PEX1: variants seen among roughly 807,000 people sequenced by gnomAD.
PEX1 encodes peroxisomal biogenesis factor 1, also known as peroxisomal ATPase PEX1.
Under a neutral mutation model 152.5 loss-of-function variants are expected in PEX1, and 97 were observed. The observed-to-expected ratio is 0.64, with a 90% CI of 0.54 to 0.75. The LOEUF is 0.75. Among genes scored for constraint, PEX1 ranks in the 30% least tolerant of loss-of-function variants. The probability of loss-of-function intolerance (pLI) is 0.00; values close to 1 mark genes in which losing one functional copy is unlikely to be tolerated. For synonymous variants in PEX1, 485 were observed against 531.6 expected, an observed-to-expected ratio of 0.91 and a Z score of 1.21; for missense variants, 1,357 against 1,516.3, an observed-to-expected ratio of 0.89 and a Z score of 1.74.
At position 92,491,397 on chromosome 7, in the gene PEX1, C is replaced by G. The variant is rs759180156; in HGVS notation, c.3313G>C (p.Asp1105His). 1 of 1,613,646 alleles carries G rather than the reference C, an allele frequency of 6.2e-7. No individual in the cohort carries two copies. Among genetic ancestry groups the G allele is most frequent in the African/African-American group, 1.3e-5 (1 of 75,024 alleles). Residue 1105 changes from aspartate (D) to histidine (H), a missense_variant, in exon 21 of 24, where the codon GAT becomes CAT. Physicochemically the swap from Asp to His is moderately conservative, Grantham distance 81 (BLOSUM62 -1). Transcript: ENST00000248633. ...ATCTCTAAAGAAACAAGGGACTGAT[C>G]TAAGCCACATTCTCCATCTCCAGCT... is the stretch of plus-strand genomic sequence containing the variant. The part of the protein sequence containing the change: ...DSAGDGECGL[D>H]QSLVSLEMSE...
At chr7:92,494,767 T>G (rs761679108) in intron 17 of PEX1, 138 bp from the exon 18 acceptor site, 48 of 406,748 alleles carry the variant, frequency 1.2e-4, no homozygotes, top group Non-Finnish European at 1.6e-4. Context: ...CAACAAACCC[T>G]TAAAGAAGGC....
intron 23 of PEX1, among the ~76,000 whole-genome samples, chr7:92,488,596 T>C (rs1791070202): frequency 6.6e-6 from 1 of 152,220 alleles, no homozygotes; most frequent in Non-Finnish European, 1.5e-5. Flanking sequence ...TTAAATGTTC[T>C]TGAGGTCAAT....
rs778565066 is a variant in PEX1, at chr7:92,489,282, C to T, written c.3767+11G>A. On this transcript the variant is annotated intron_variant, in intron 23 of 23. Transcript: ENST00000248633. ...AGTAGCTGTACTTCCAAAACAGAAT[C>T]TGTTACTTACAGCTCAGCAAAATTC... The T allele has an allele frequency of 2.0e-5, 33 of 1,611,272 alleles. No homozygotes were observed. Among genetic ancestry groups the T allele is most frequent in the Non-Finnish European group, 4.2e-6 (5 of 1,177,814 alleles).
chr7:92,504,256 T>C (rs1792071888), intron 12 of PEX1, among the ~76,000 whole-genome samples: 1 of 152,022 alleles, frequency 6.6e-6, no homozygotes, highest in Non-Finnish European at 1.5e-5. Context: ...TGAATTTCCA[T>C]TTATTGACCT....
chr7:92,501,631 C>T lies in PEX1; in HGVS notation c.2459G>A (p.Gly820Glu). 1 of 1,614,014 alleles carries T rather than the reference C, an allele frequency of 6.2e-7. No homozygotes were observed. The highest frequency in any genetic ancestry group is 1.1e-5 in the South Asian group (1 of 91,072). ...TTLDFQKALR[G>E]FLPASLRSVN... ...ACTTCGCAAAGACGCAGGAAGAAATCCGCGGAGAGCCTTTTGGAAGTCCAA... is the reference window on the plus strand; with the variant it reads ...ACTTCGCAAAGACGCAGGAAGAAATTCGCGGAGAGCCTTTTGGAAGTCCAA... Residue 820 changes from glycine to glutamate, a missense_variant, in exon 15 of 24, where the codon GGA (glycine) becomes GAA (glutamate). Transcript: ENST00000248633.
At chr7:92,507,359 C>T in intron 9 of PEX1, 1 of 432,474 alleles carries the variant, frequency 2.3e-6, no homozygotes, top group Non-Finnish European at 4.2e-6. Flanking sequence ...CTGCCTCAGC[C>T]TCCCGAGTAG....
chr7:92,492,849 T>G (rs1791414062), intron 20 of PEX1, 104 bp downstream of exon 20: 6 of 880,322 alleles, frequency 6.8e-6, no homozygotes, highest in Non-Finnish European at 1.2e-5. Context: ...TATACAGTTT[T>G]ACCAAAGTTG....
chr7:92,489,282 CT>C lies in PEX1; in HGVS notation c.3767+10del, dbSNP rs1791132674. Reference sequence around the variant, plus strand: ...AGTAGCTGTACTTCCAAAACAGAATCTGTTACTTACAGCTCAGCAAAATTCT... The same window carrying C: ...AGTAGCTGTACTTCCAAAACAGAATCGTTACTTACAGCTCAGCAAAATTCT... On this transcript the variant is annotated intron_variant, in intron 23 of 23. Coordinates refer to ENST00000248633, the MANE Select transcript of PEX1 (RefSeq NM_000466.3). 1 of 1,611,272 alleles carries C rather than the reference CT, an allele frequency of 6.2e-7. No individual in the cohort carries two copies. The highest frequency in any genetic ancestry group is 8.5e-7 in the Non-Finnish European group (1 of 1,177,814).
chr7:92,511,482 A>G (rs545055200), intron 7 of PEX1, 98 bp downstream of exon 7: 9 of 917,648 alleles, frequency 9.8e-6, no homozygotes, highest in African/African-American at 1.7e-5. Context: ...ATATTTCACT[A>G]TTCACATACT....
chr7:92,525,568 C>A (rs369000676), intron 1 of PEX1, among the ~76,000 whole-genome samples: 1 of 152,148 alleles, frequency 6.6e-6, no homozygotes, highest in Non-Finnish European at 1.5e-5. Flanking sequence ...TGTCTGAAGA[C>A]CTTTTTGGTT....
chr7:92,522,534 T>C lies in PEX1; in HGVS notation c.130-289A>G, dbSNP rs113238566. Among the ~76,000 whole-genome samples, 312 of 152,304 alleles carry C rather than the reference T, an allele frequency of 2.0e-3. 1 individual carries two copies. Among genetic ancestry groups the C allele is most frequent in the African/African-American group, 7.2e-3 (301 of 41,560 alleles). On this transcript the variant is annotated intron_variant, in intron 1 of 23. Coordinates refer to ENST00000248633, the MANE Select transcript of PEX1 (RefSeq NM_000466.3). ...GTCAGTCAATAAACTTAAATAGCAGTTGAGCCACATATAACTATTTGAGCA... is the reference window on the plus strand; with the variant it reads ...GTCAGTCAATAAACTTAAATAGCAGCTGAGCCACATATAACTATTTGAGCA...
At position 92,505,421 on chromosome 7, in the gene PEX1, AAAAAAAG is replaced by A. The variant is rs1238716168; in HGVS notation, c.1901-526_1901-520del. Among the ~76,000 whole-genome samples the A allele has an allele frequency of 2.0e-5, 3 of 151,776 alleles. No individual in the cohort carries two copies. The East Asian group carries it at 5.8e-4, about 29-fold the overall frequency. ...GAGCAAGACTCTGTCTCAAAAAAAA[AAAAAAAG>A]AAAAAAGAAAAGGAATATGCTACTA... On this transcript the variant is annotated intron_variant, in intron 11 of 23. Transcript: ENST00000248633.
Position 92,528,421 on chromosome 7 carries a change from A to G in PEX1, c.15T>C (p.Asp5=). Residue 5 remains aspartate (D), a synonymous_variant, in exon 1 of 24, where the codon GAT becomes GAC. Transcript: ENST00000248633. ...CGCCTCCCCCAGCACCCGCCAGGCG[A>G]TCGCTGCCCCACATCGTCCCGGAGC... The part of the protein sequence containing the change: MWGS[D]RLAGAGGGGA... 1 of 1,595,174 alleles carries G rather than the reference A, an allele frequency of 6.3e-7. No homozygotes were observed. The highest frequency in any genetic ancestry group is 8.5e-7 in the Non-Finnish European group (1 of 1,172,490).
chr7:92,498,199 C>G (rs1791754050), intron 16 of PEX1, among the ~76,000 whole-genome samples: 2 of 151,726 alleles, frequency 1.3e-5, no homozygotes, highest in Non-Finnish European at 2.9e-5. Context: ...CTGGGTAAAA[C>G]CCAGTTATAC....
intron 5 of PEX1, 137 bp downstream of exon 5, chr7:92,517,139 T>C (rs1365473328): frequency 7.0e-6 from 5 of 712,876 alleles, no homozygotes; most frequent in Non-Finnish European, 1.2e-5. Context: ...AGCGTAAATG[T>C]GTCCCCCAAG....
At chr7:92,505,708 T>G (rs1024710098) in intron 11 of PEX1, among the ~76,000 whole-genome samples, 1 of 152,188 alleles carries the variant, frequency 6.6e-6, no homozygotes, top group Non-Finnish European at 1.5e-5. Context: ...ATACACAAGT[T>G]CATGATTAGT....
At chr7:92,504,027 T>G (rs954439714) in intron 12 of PEX1, among the ~76,000 whole-genome samples, 1 of 152,074 alleles carries the variant, frequency 6.6e-6, no homozygotes, top group African/African-American at 2.4e-5. Flanking sequence ...CCACGCTTCC[T>G]TTGCTTCTTT....
At chr7:92,519,121 T>C (rs1203910917) in intron 2 of PEX1, 43 bp from the exon 3 acceptor site, 1 of 1,077,982 alleles carries the variant, frequency 9.3e-7, no homozygotes, top group African/African-American at 1.6e-5. Flanking sequence ...AAAAAACTTT[T>C]CTGTGTCATA....
chr7:92,490,350 T>G (rs1446280561), intron 21 of PEX1: 1 of 219,952 alleles, frequency 4.5e-6, no homozygotes, highest in Non-Finnish European at 9.1e-6. Flanking sequence ...AAAGTCTGAG[T>G]TAGGCTAGGC....
Sources: gnomAD v4.1 joint callset for allele counts (sites outside exome capture counted in the v4.1 genomes callset) on GRCh38, gnomAD v4.1.1 for gene constraint, MANE v1.5 for transcripts, NCBI Gene and HGNC (gene_info 2026-07-23, HGNC 2026-07-21) for gene names.